The following MMD variants were observed in gnomAD, a reference collection of about 807,000 sequenced individuals.
MMD encodes monocyte to macrophage differentiation associated.
A neutral mutation model predicts 33.6 loss-of-function variants in MMD; 22 were observed. The observed-to-expected ratio is 0.66, with a 90% CI of 0.47 to 0.94. The LOEUF is 0.94. Ranked by LOEUF, MMD falls within the 40% of genes least tolerant of loss-of-function variation. MMD has a pLI of 0.00. For synonymous variants in MMD, 97 were observed against 103.2 expected (o/e 0.94, Z 0.36); for missense variants, 242 against 309.8 (o/e 0.78, Z 1.64).
At chr17:55,397,820 C>T (rs181366971) in intron 6 of MMD, among the ~76,000 whole-genome samples, 73 of 152,216 alleles carry the variant, frequency 4.8e-4, no homozygotes, top group Non-Finnish European at 9.4e-4. Context: ...GGATTACATG[C>T]GTGAGCCACA....
intron 6 of MMD, among the ~76,000 whole-genome samples, chr17:55,395,099 G>T (rs1396498490): frequency 6.6e-6 from 1 of 152,224 alleles, no homozygotes; most frequent in East Asian, 1.9e-4. Flanking sequence ...AGATCACATA[G>T]TACAAGATAT....
Position 55,394,035 on chromosome 17 carries a change from T to C in MMD, c.*299A>G, listed in dbSNP as rs1907011281. 5.0e-6 allele frequency: 1 copy of C among 200,760 alleles called. No individual in the cohort carries two copies. Among genetic ancestry groups the C allele is most frequent in the African/African-American group, 2.3e-5 (1 of 43,480 alleles). The allele number at this position is 200,760 out of a possible 1,614,324, so 12.4% of individuals were successfully genotyped here. On this transcript the variant is annotated 3_prime_UTR_variant, in exon 7 of 7. Transcript: ENST00000262065. Reference sequence around the variant, plus strand: ...GACATAGTAATTTAGAAAAATCATGTAGTAAAATCTGTAAAATTAAAATAT... The same window carrying C: ...GACATAGTAATTTAGAAAAATCATGCAGTAAAATCTGTAAAATTAAAATAT...
At chr17:55,399,159 G>A (rs760492272) in intron 6 of MMD, among the ~76,000 whole-genome samples, 1 of 152,146 alleles carries the variant, frequency 6.6e-6, no homozygotes, top group Non-Finnish European at 1.5e-5. Flanking sequence ...AGTGTCTCCA[G>A]GGAAACTACT....
Position 55,411,166 on chromosome 17 carries a change from C to G in MMD, c.269+91G>C, listed in dbSNP as rs1567850181. 8.5e-6 allele frequency: 12 copies of G among 1,404,390 alleles called. No individual in the cohort carries two copies. The South Asian group carries it at 1.5e-4, about 18-fold the overall frequency. The allele number at this position is 1,404,390 out of a possible 1,614,324, so 87.0% of individuals were successfully genotyped here. A position where few individuals can be genotyped will look rare whatever the true frequency, so the allele number is the denominator to read the frequency against. The stretch of plus-strand genomic sequence containing the variant: ...GGCAGAAAAATGTCTACTCTTTGCC[C>G]TACTTGACTAAAGCATGCCAGCTTG... On this transcript the variant is annotated intron_variant, in intron 3 of 6. Transcript: ENST00000262065.
Position 55,401,492 on chromosome 17 carries a change from G to T in MMD, c.493C>A (p.Pro165Thr). Residue 165 changes from proline to threonine, a missense_variant, in exon 6 of 7, where the codon CCA (proline) becomes ACA (threonine). Pro to Thr is a conservative substitution (Grantham distance 38). Transcript: ENST00000262065. ...LFFYLTMGFS[P>T]ALVVTSMNNT... ...ACCATTGATGTCACCACCAAGGCTG[G>T]AGAGAATCCCATTGTGAGATAGAAA... 1.2e-6 allele frequency: 2 copies of T among 1,611,764 alleles called. No homozygotes were observed. The highest frequency in any genetic ancestry group is 8.5e-7 in the Non-Finnish European group (1 of 1,179,168).
chr17:55,406,045 A>C (rs991641850), intron 4 of MMD, among the ~76,000 whole-genome samples: 3 of 152,228 alleles, frequency 2.0e-5, no homozygotes, highest in Non-Finnish European at 4.4e-5. Flanking sequence ...AATGATAAAC[A>C]CACTTGCTAT....
At position 55,407,728 on chromosome 17, in the gene MMD, A is replaced by G. The variant is rs756337951; in HGVS notation, c.344+18T>C. On this transcript the variant is annotated intron_variant, in intron 4 of 6. Coordinates refer to ENST00000262065, the MANE Select transcript of MMD (RefSeq NM_012329.3). ...TCATAAAATCACTACCTTCGAAAAT[A>G]GGAAGACTGTATCTTACCATGGAGC... The G allele has an allele frequency of 2.0e-5, 31 of 1,585,190 alleles. No individual in the cohort carries two copies. The highest frequency in any genetic ancestry group is 7.3e-5 in the Admixed American group (4 of 54,638).
chr17:55,398,391 T>C (rs1378660328), intron 6 of MMD, among the ~76,000 whole-genome samples: 2 of 151,916 alleles, frequency 1.3e-5, no homozygotes, highest in African/African-American at 4.8e-5. Context: ...CTCCAGGTAT[T>C]TTCTGAGATT....
chr17:55,411,964 C>T (rs752112635), intron 2 of MMD, among the ~76,000 whole-genome samples: 2 of 152,050 alleles, frequency 1.3e-5, no homozygotes, highest in Non-Finnish European at 2.9e-5. Flanking sequence ...GTAGTCCCAG[C>T]TATTTGGCAG....
intron 6 of MMD, among the ~76,000 whole-genome samples, chr17:55,395,658 G>T (rs1907071650): frequency 6.6e-6 from 1 of 152,234 alleles, no homozygotes; most frequent in African/African-American, 2.4e-5. Context: ...CCCATGTTTT[G>T]TGTGGGATCA....
intron 1 of MMD, among the ~76,000 whole-genome samples, chr17:55,414,687 C>A (rs530479949): frequency 1.3e-5 from 2 of 152,010 alleles, no homozygotes; most frequent in African/African-American, 4.8e-5. Context: ...AACAAAGTTT[C>A]TATTTTCTCT....
At chr17:55,396,907 G>T (rs371156382) in intron 6 of MMD, among the ~76,000 whole-genome samples, 1 of 151,968 alleles carries the variant, frequency 6.6e-6, no homozygotes, top group Admixed American at 6.5e-5. Context: ...GAGCCACCGC[G>T]CCTGGCCAGT....
At chr17:55,406,266 A>G (rs1907540356) in intron 4 of MMD, among the ~76,000 whole-genome samples, 1 of 152,128 alleles carries the variant, frequency 6.6e-6, no homozygotes, top group Non-Finnish European at 1.5e-5. Context: ...ATGGTGGCAC[A>G]TGCCTGTAGC....
chr17:55,413,215 C>A (rs1378154333), intron 2 of MMD, among the ~76,000 whole-genome samples: 1 of 152,160 alleles, frequency 6.6e-6, no homozygotes, highest in Admixed American at 6.5e-5. Context: ...ACAGTGACTA[C>A]CACAGTTAAA....
At chr17:55,414,502 C>A (rs992801071) in intron 1 of MMD, among the ~76,000 whole-genome samples, 1 of 148,164 alleles carries the variant, frequency 6.7e-6, no homozygotes, top group Non-Finnish European at 1.5e-5. Context: ...CTTCTACAAC[C>A]AAAAGCAAAG....
At chr17:55,411,698 T>C (rs1907770773) in intron 2 of MMD, among the ~76,000 whole-genome samples, 1 of 151,568 alleles carries the variant, frequency 6.6e-6, no homozygotes, top group Non-Finnish European at 1.5e-5. Flanking sequence ...ACAGATGGTT[T>C]TTTTTTTTTA....
intron 6 of MMD, among the ~76,000 whole-genome samples, chr17:55,399,048 C>G (rs932305013): frequency 5.9e-5 from 9 of 152,162 alleles, no homozygotes; most frequent in African/African-American, 2.2e-4. Context: ...ATACCCTGCC[C>G]CACAAACTGC....
chr17:55,401,388 A>T (rs1907322138), intron 6 of MMD, 81 bp downstream of exon 6: 3 of 1,191,238 alleles, frequency 2.5e-6, no homozygotes, highest in Non-Finnish European at 3.6e-6. Context: ...TTATAAAGAA[A>T]AGCTACATAT....
Position 55,394,326 on chromosome 17 carries a change from C to T in MMD, c.*8G>A, listed in dbSNP as rs374474429. ...ATAATACTGGTTTGGAGAATTAGTACAGATTGGTCATAAATGCCGCATAAA... is the reference window on the plus strand; with the variant it reads ...ATAATACTGGTTTGGAGAATTAGTATAGATTGGTCATAAATGCCGCATAAA... On this transcript the variant is annotated 3_prime_UTR_variant, in exon 7 of 7. Coordinates refer to ENST00000262065, the MANE Select transcript of MMD (RefSeq NM_012329.3). 1.5e-4 allele frequency: 206 copies of T among 1,362,094 alleles called. No individual in the cohort carries two copies. The highest frequency in any genetic ancestry group is 1.9e-4 in the Non-Finnish European group (201 of 1,049,824). The allele number at this position is 1,362,094 out of a possible 1,614,324, so 84.4% of individuals were successfully genotyped here.
Sources: allele counts gnomAD v4.1 joint callset (sites outside exome capture counted in the v4.1 genomes callset), GRCh38; gene constraint gnomAD v4.1.1; transcripts MANE v1.5; gene names NCBI Gene and HGNC (gene_info 2026-07-23, HGNC 2026-07-21).